PRKACA: variants seen among roughly 807,000 people sequenced by gnomAD.
PRKACA encodes protein kinase cAMP-activated catalytic subunit alpha, also known as cAMP-dependent protein kinase catalytic subunit alpha.
Under a neutral mutation model 45.8 loss-of-function variants are expected in PRKACA, and 9 were observed. That is an observed-to-expected ratio of 0.20 (90% CI 0.12 to 0.34). The LOEUF is 0.34. PRKACA is among the 10% of genes least tolerant of loss of function. The pLI, the probability that PRKACA is intolerant of heterozygous loss-of-function variation, is 1.00. For missense variants in PRKACA, 238 were observed against 458.6 expected, an observed-to-expected ratio of 0.52 and a Z score of 4.39; for synonymous variants, 160 against 178.6, an observed-to-expected ratio of 0.90 and a Z score of 0.83.
chr19:14,093,044 C>CGG lies in PRKACA; in HGVS notation c.*67_*68insCC. The CGG allele has an allele frequency of 7.4e-6, 2 of 269,688 alleles. No homozygotes were observed. Among genetic ancestry groups the CGG allele is most frequent in the Non-Finnish European group, 1.5e-5 (2 of 134,090 alleles). 16.7% of individuals were successfully genotyped at this position (269,688 alleles called of 1,614,324 possible). ...GGGCCCTCTGGCTGTTCAATCCAAC[C>CGG]CTCCCACCCCCCCGACCAAAAAAAA... On this transcript the variant is annotated 3_prime_UTR_variant, in exon 10 of 10. Transcript: ENST00000308677.
intron 3 of PRKACA, 108 bp downstream of exon 3, chr19:14,106,652 T>C: frequency 6.8e-7 from 1 of 1,476,030 alleles, no homozygotes; most frequent in Non-Finnish European, 9.3e-7. Context: ...AGACTCTGAA[T>C]CAAAAAAAAG....
chr19:14,108,236 G>A (rs1977670949), intron 1 of PRKACA: 3 of 842,324 alleles, frequency 3.6e-6, no homozygotes, highest in South Asian at 5.4e-5. Flanking sequence ...GTGACTTTGG[G>A]TAACTGATCT....
At position 14,097,597 on chromosome 19, in the gene PRKACA, A is replaced by G. The variant is rs1599336336; in HGVS notation, c.624T>C (p.Pro208=). Residue 208 remains proline (P), a synonymous_variant, in exon 7 of 10, where the codon CCT becomes CCC. Transcript: ENST00000308677. This position sits in a 1 kb window ranked among gnomAD's most constrained non-coding sequence, Gnocchi z 5.4. ...CTCCTACTTTGCTCAGGATAATCTC[A>G]GGGGCCAGGTACTCAGGGGTGCCGC... ...TLCGTPEYLA[P]EIILSKGYNK... 1.9e-6 allele frequency: 3 copies of G among 1,612,422 alleles called. No homozygotes were observed. Among genetic ancestry groups the G allele is most frequent in the Non-Finnish European group, 1.7e-6 (2 of 1,178,772 alleles).
At chr19:14,107,584 CAG>C (rs1296533779) in intron 1 of PRKACA, 175 bp from the exon 2 acceptor site, 1 of 1,299,520 alleles carries the variant, frequency 7.7e-7, no homozygotes, top group Non-Finnish European at 1.0e-6. Flanking sequence ...TCCCTTGCTA[CAG>C]AGAGGTGGGA....
chr19:14,095,506 G>A (rs990888826), intron 8 of PRKACA, among the ~76,000 whole-genome samples: 2 of 150,972 alleles, frequency 1.3e-5, no homozygotes, highest in Non-Finnish European at 2.9e-5. Flanking sequence ...CTTTTGGTCC[G>A]GTGGCAGATG....
chr19:14,099,944 C>T (rs985998316), intron 5 of PRKACA, among the ~76,000 whole-genome samples: 2 of 151,888 alleles, frequency 1.3e-5, no homozygotes, highest in Admixed American at 6.6e-5. Flanking sequence ...CCCGGGTTCA[C>T]GCCATTCTGC....
rs1386422078 is a variant in PRKACA, at chr19:14,091,755, AG to A, written c.*1356del. 6.6e-6 allele frequency: 1 copy of A among 152,420 alleles called. No individual in the cohort carries two copies. The highest frequency in any genetic ancestry group is 1.5e-5 in the Non-Finnish European group (1 of 68,046). 9.4% of individuals were successfully genotyped at this position (152,420 alleles called of 1,614,324 possible). A position where few individuals can be genotyped will look rare whatever the true frequency, so the allele number is the denominator to read the frequency against. On this transcript the variant is annotated 3_prime_UTR_variant, in exon 10 of 10. Coordinates refer to ENST00000308677, the MANE Select transcript of PRKACA (RefSeq NM_002730.4). The stretch of plus-strand genomic sequence containing the variant: ...TGTTTACAACAGCACACTGTTCAAG[AG>A]GAAGTCTCGTCCTTCGCAGCACACA...
intron 9 of PRKACA, among the ~76,000 whole-genome samples, 190 bp from the exon 10 acceptor site, chr19:14,093,427 C>G (rs558537711): frequency 4.7e-4 from 72 of 152,304 alleles, no homozygotes; most frequent in African/African-American, 1.7e-3. Flanking sequence ...GAAATTACTT[C>G]CCAGAGAGAG....
rs1408895901 is a variant in PRKACA, at chr19:14,102,839, C to T, written c.313G>A (p.Val105Ile). 4 of 1,613,970 alleles carry T rather than the reference C, an allele frequency of 2.5e-6. No individual in the cohort carries two copies. Among genetic ancestry groups the T allele is most frequent in the East Asian group, 2.2e-5 (1 of 44,898 alleles). ...ILQAVNFPFL[V>I]KLEFSFKDNS... ...ACCTTGAAGGAGAACTCGAGTTTGA[C>T]GAGGAACGGAAAGTTGACAGCTTGC... Residue 105 changes from valine to isoleucine, a missense_variant, in exon 4 of 10, where the codon GTC becomes ATC. Physicochemically the swap from Val to Ile is conservative, Grantham distance 29 (BLOSUM62 3). Around this residue, in one of 3 missense-constraint regions of PRKACA, gnomAD observed 93 missense variants for 149.1 expected, o/e 0.62. Coordinates refer to ENST00000308677, the MANE Select transcript of PRKACA (RefSeq NM_002730.4).
At chr19:14,102,137 C>T (rs977707573) in intron 4 of PRKACA, among the ~76,000 whole-genome samples, 1 of 152,184 alleles carries the variant, frequency 6.6e-6, no homozygotes, top group African/African-American at 2.4e-5. Context: ...GCTCTCCAGC[C>T]TGAGCAACAG....
chr19:14,093,380 C>T lies in PRKACA; in HGVS notation c.931-143G>A, dbSNP rs1568527354. The T allele has an allele frequency of 6.7e-6, 8 of 1,195,866 alleles. No individual in the cohort carries two copies. The South Asian group carries it at 1.1e-4, about 16-fold the overall frequency. 74.1% of individuals were successfully genotyped at this position (1,195,866 alleles called of 1,614,324 possible). ...CCATTAGGTTATGGATTCCTCTTAA[C>T]AGCCCGAAACTCTTAATGTAGCAAC... On this transcript the variant is annotated intron_variant, in intron 9 of 9. Transcript: ENST00000308677.
At chr19:14,108,774 C>T (rs1977688681) in intron 1 of PRKACA, among the ~76,000 whole-genome samples, 1 of 149,178 alleles carries the variant, frequency 6.7e-6, no homozygotes, top group Non-Finnish European at 1.5e-5. Flanking sequence ...GTTGCCCAGG[C>T]TGGAGTGCAG....
At chr19:14,098,033 G>T in intron 5 of PRKACA, 143 bp from the exon 6 acceptor site, 1 of 1,032,454 alleles carries the variant, frequency 9.7e-7, no homozygotes, top group Non-Finnish European at 1.4e-6. Context: ...TAGATAGCCC[G>T]ACATGGGAAA....
chr19:14,107,000 G>C (rs1241106313), intron 2 of PRKACA, 112 bp from the exon 3 acceptor site: 2 of 1,372,240 alleles, frequency 1.5e-6, no homozygotes, highest in African/African-American at 2.9e-5. Flanking sequence ...GGAGCACGTG[G>C]GGTCAGCGGG....
At chr19:14,102,722 C>G in intron 4 of PRKACA, 94 bp downstream of exon 4, 1 of 1,023,416 alleles carries the variant, frequency 9.8e-7, no homozygotes, top group Non-Finnish European at 1.5e-6. Context: ...AAGAGAGCAG[C>G]CACTGATTGT....
At chr19:14,093,340 T>A in intron 9 of PRKACA, 103 bp from the exon 10 acceptor site, 1 of 1,452,346 alleles carries the variant, frequency 6.9e-7, no homozygotes, top group Non-Finnish European at 9.4e-7. Context: ...TTACTCTGAC[T>A]CAGGCCTGTG....
chr19:14,099,986 G>A (rs889768960), intron 5 of PRKACA, among the ~76,000 whole-genome samples: 13 of 151,928 alleles, frequency 8.6e-5, no homozygotes, highest in African/African-American at 2.9e-4. Context: ...GACTATAGGC[G>A]CCCGCCATCA....
chr19:14,099,362 AT>A (rs985145679), intron 5 of PRKACA, among the ~76,000 whole-genome samples: 11 of 150,904 alleles, frequency 7.3e-5, no homozygotes, highest in South Asian at 4.2e-4. Flanking sequence ...TAAGTTAAAA[AT>A]TTTTTTTTTC....
At chr19:14,107,208 A>T (rs41296260) in intron 2 of PRKACA, 140 bp downstream of exon 2, 551,492 of 948,420 alleles carry the variant, frequency 0.58, 164,044 homozygotes, top group Middle Eastern at 0.7. Context: ...AGGAGCCCCC[A>T]TGGGCACCTA....
Sources: gnomAD v4.1 joint callset for allele counts (sites outside exome capture counted in the v4.1 genomes callset) on GRCh38, gnomAD v4.1.1 for gene constraint, gnomAD v4.1.1 regional missense constraint, Gnocchi (gnomAD v3.1) non-coding constraint, MANE v1.5 for transcripts, NCBI Gene and HGNC (gene_info 2026-07-23, HGNC 2026-07-21) for gene names.